COBL: variants seen among roughly 807,000 people sequenced by gnomAD.
The protein encoded by COBL is protein cordon-bleu.
COBL carries 51 observed loss-of-function variants against 98.8 expected under a neutral mutation model. The ratio of observed to expected loss-of-function variants is 0.52; its 90% CI spans 0.41 to 0.65. The LOEUF (loss-of-function observed/expected upper bound fraction) is 0.65, where lower values mean the gene tolerates loss of function less well. Ranked by LOEUF, COBL falls within the 30% of genes least tolerant of loss-of-function variation. The probability of loss-of-function intolerance (pLI) is 0.00; values close to 1 mark genes in which losing one functional copy is unlikely to be tolerated. For synonymous variants in COBL, 634 were observed against 651.7 expected (o/e 0.97, Z 0.41); for missense variants, 1,617 against 1,617.5 (o/e 1.00, Z 0.01).
chr7:51,083,099 C>A lies in COBL; in HGVS notation c.1096+2067G>T, dbSNP rs967226418. On this transcript the variant is annotated intron_variant, in intron 7 of 12. Coordinates refer to ENST00000265136, the MANE Select transcript of COBL (RefSeq NM_015198.5). ...TGAGGCCTCGGAACCAGCGCCTTCC[C>A]CGGGAAAGCTGAGAGGCTCCACCAC... 19 of 1,534,722 alleles carry A rather than the reference C, an allele frequency of 1.2e-5. No homozygotes were observed. The African/African-American group carries it at 2.1e-4, about 17-fold the overall frequency.
At chr7:51,102,807 A>C (rs759489258) in intron 6 of COBL, among the ~76,000 whole-genome samples, 43 of 152,224 alleles carry the variant, frequency 2.8e-4, no homozygotes, top group Non-Finnish European at 3.5e-4. Flanking sequence ...CCCATGGGCA[A>C]ATAATACACA....
At chr7:51,268,436 C>G (rs1172153185) in intron 1 of COBL, among the ~76,000 whole-genome samples, 2 of 152,162 alleles carry the variant, frequency 1.3e-5, no homozygotes, top group Non-Finnish European at 2.9e-5. Context: ...CCACTGGACA[C>G]TTAATTCCTC....
intron 7 of COBL, among the ~76,000 whole-genome samples, chr7:51,051,095 G>A (rs1024950006): frequency 3.3e-5 from 5 of 152,082 alleles, no homozygotes; most frequent in Admixed American, 2.0e-4. Flanking sequence ...GCTCTCTTGC[G>A]TCTGAAGGCT....
chr7:51,063,687 TC>T (rs1791613753), intron 7 of COBL, among the ~76,000 whole-genome samples: 1 of 152,158 alleles, frequency 6.6e-6, no homozygotes, highest in Non-Finnish European at 1.5e-5. Context: ...ATCCCACACT[TC>T]CTTTCATGCA....
At chr7:51,234,231 G>C (rs2129109172) in intron 1 of COBL, among the ~76,000 whole-genome samples, 1 of 152,304 alleles carries the variant, frequency 6.6e-6, no homozygotes, top group East Asian at 1.9e-4. Context: ...AGGATCCCTG[G>C]GCTGGCGAAA....
chr7:51,050,176 G>A (rs769328767), intron 7 of COBL, among the ~76,000 whole-genome samples: 4 of 152,126 alleles, frequency 2.6e-5, no homozygotes, highest in Non-Finnish European at 5.9e-5. Flanking sequence ...AGATAATGAA[G>A]GACTGAAAAA....
chr7:51,133,776 A>G (rs1344196349), intron 6 of COBL, among the ~76,000 whole-genome samples: 1 of 152,256 alleles, frequency 6.6e-6, no homozygotes, highest in Non-Finnish European at 1.5e-5. Flanking sequence ...TCTTCAAAAA[A>G]TACCTTTAGA....
At chr7:51,182,652 A>AG (rs60646368) in intron 5 of COBL, among the ~76,000 whole-genome samples, 84,617 of 148,766 alleles carry the variant, frequency 0.57, 25,676 homozygotes, top group East Asian at 0.7. Context: ...GAGGGAGAGT[A>AG]GGGGGGAAGA....
intron 6 of COBL, among the ~76,000 whole-genome samples, chr7:51,087,888 AG>A (rs1794435842): frequency 6.6e-6 from 1 of 151,608 alleles, no homozygotes; most frequent in Non-Finnish European, 1.5e-5. Flanking sequence ...TCAAAATGTA[AG>A]AATGTTTTTA....
At chr7:51,278,455 C>T (rs894388442) in intron 1 of COBL, among the ~76,000 whole-genome samples, 4 of 150,340 alleles carry the variant, frequency 2.7e-5, no homozygotes, top group African/African-American at 9.8e-5. Flanking sequence ...TCTCGGCTCA[C>T]TGCAACCTCT....
At chr7:51,203,303 A>G (rs1563032456) in intron 2 of COBL, among the ~76,000 whole-genome samples, 1 of 126,136 alleles carries the variant, frequency 7.9e-6, no homozygotes, top group African/African-American at 3.5e-5. Flanking sequence ...TCTACTAAAA[A>G]TACAAAAAAT....
At chr7:51,142,327 G>A (rs917958547) in intron 5 of COBL, among the ~76,000 whole-genome samples, 2 of 151,312 alleles carry the variant, frequency 1.3e-5, no homozygotes, top group Non-Finnish European at 2.9e-5. Flanking sequence ...ATGGTTTCTC[G>A]CCTGGCAAGA....
At chr7:51,314,440 G>A (rs1295140184) in intron 1 of COBL, among the ~76,000 whole-genome samples, 2 of 152,188 alleles carry the variant, frequency 1.3e-5, no homozygotes, top group Non-Finnish European at 2.9e-5. Context: ...AGAGCCAACA[G>A]AATCTGCCTG....
chr7:51,216,570 C>T (rs1793073152), intron 2 of COBL, among the ~76,000 whole-genome samples: 1 of 152,054 alleles, frequency 6.6e-6, no homozygotes, highest in South Asian at 2.1e-4. Flanking sequence ...TAAGGTAGGC[C>T]AGAACATTTC....
intron 1 of COBL, among the ~76,000 whole-genome samples, chr7:51,280,476 G>A (rs933433231): frequency 1.3e-5 from 2 of 152,202 alleles, no homozygotes; most frequent in African/African-American, 2.4e-5. Context: ...AGGAGCTGTG[G>A]TCCCAAGAGG....
At chr7:51,122,628 G>C (rs1797841958) in intron 6 of COBL, among the ~76,000 whole-genome samples, 1 of 152,090 alleles carries the variant, frequency 6.6e-6, no homozygotes, top group Non-Finnish European at 1.5e-5. Context: ...TTAGCTCTTT[G>C]CTAGTTTTGT....
At chr7:51,292,207 T>C (rs896173245) in intron 1 of COBL, among the ~76,000 whole-genome samples, 13 of 152,098 alleles carry the variant, frequency 8.5e-5, no homozygotes, top group African/African-American at 3.1e-4. Context: ...AGCTCATTAA[T>C]GGACCCATAC....
chr7:51,221,110 C>G (rs1342216395), intron 1 of COBL, among the ~76,000 whole-genome samples: 1 of 152,156 alleles, frequency 6.6e-6, no homozygotes, highest in Admixed American at 6.5e-5. Flanking sequence ...TAAAGGCATA[C>G]AATTATCCGG....
intron 1 of COBL, among the ~76,000 whole-genome samples, chr7:51,287,083 G>A (rs913106219): frequency 1.3e-5 from 2 of 152,132 alleles, no homozygotes; most frequent in African/African-American, 4.8e-5. Context: ...ACAAAGATGG[G>A]AACAACAGAC....
Sources: gnomAD v4.1 joint callset for allele counts (sites outside exome capture counted in the v4.1 genomes callset) on GRCh38, gnomAD v4.1.1 for gene constraint, MANE v1.5 for transcripts, NCBI Gene and HGNC (gene_info 2026-07-23, HGNC 2026-07-21) for gene names.